ASS1: variants seen among roughly 807,000 people sequenced by gnomAD.
The protein encoded by ASS1 is argininosuccinate synthase 1.
Under a neutral mutation model 60.5 loss-of-function variants are expected in ASS1, and 58 were observed. That is an observed-to-expected ratio of 0.96 (90% confidence interval 0.78 to 1.19). The LOEUF is 1.19. Among genes scored for constraint, ASS1 ranks in the 50% most tolerant of loss-of-function variants. ASS1 has a pLI of 0.00. For missense variants in ASS1, 454 were observed against 547.3 expected (o/e 0.83, Z 1.70); for synonymous variants, 200 against 206.9 (o/e 0.97, Z 0.29).
intron 10 of ASS1, 142 bp from the exon 11 acceptor site, chr9:130,480,243 C>T: frequency 2.2e-6 from 2 of 914,690 alleles, no homozygotes; most frequent in Non-Finnish European, 3.5e-6. Context: ...TGACCCGGCT[C>T]AGATGTCCTC....
rs939294506 is a variant in ASS1, at chr9:130,476,623, C to T, written c.598-248C>T. On this transcript the variant is annotated intron_variant, in intron 8 of 14. Coordinates refer to ENST00000352480, the MANE Select transcript of ASS1 (RefSeq NM_054012.4). This position sits in a 1 kb window ranked among gnomAD's most constrained non-coding sequence, Gnocchi z 4.9. Reference sequence around the variant, plus strand: ...GCTATTCTACCTCCAGCTGTGGGGGCGTCGAAGAAAAAGATGAGATCAAGT... The same window carrying T: ...GCTATTCTACCTCCAGCTGTGGGGGTGTCGAAGAAAAAGATGAGATCAAGT... 1.2e-5 allele frequency: 7 copies of T among 583,710 alleles called. No individual in the cohort carries two copies. Among genetic ancestry groups the T allele is most frequent in the South Asian group, 8.0e-5 (4 of 49,724 alleles). 36.2% of individuals were successfully genotyped at this position (583,710 alleles called of 1,614,324 possible). A position where few individuals can be genotyped will look rare whatever the true frequency, so the allele number is the denominator to read the frequency against.
intron 8 of ASS1, among the ~76,000 whole-genome samples, chr9:130,472,551 G>A (rs754161818): frequency 3.9e-5 from 6 of 152,130 alleles, no homozygotes; most frequent in Non-Finnish European, 7.4e-5. Context: ...GCGAGGGAAC[G>A]GGCCCTGGGG....
chr9:130,451,294 A>G (rs1845319417), intron 1 of ASS1, among the ~76,000 whole-genome samples: 1 of 121,552 alleles, frequency 8.2e-6, no homozygotes, highest in Non-Finnish European at 1.8e-5. Flanking sequence ...TCCCGGCTGC[A>G]GAGGGCCTGG....
intron 5 of ASS1, chr9:130,466,519 G>C (rs1490358205): frequency 9.6e-6 from 6 of 626,930 alleles, no homozygotes; most frequent in Non-Finnish European, 1.2e-5. Flanking sequence ...TGGAGTGCAG[G>C]CTCCGTCCAG....
rs1026587560 is a variant in ASS1, at chr9:130,488,759, C to T, written c.839-574C>T. ...TCCCAGCTCCACCTAGAGCAAGTCC[C>T]TTCTCCTCTTGAGCTCAGTTTCCCC... On this transcript the variant is annotated intron_variant, in intron 11 of 14. Transcript: ENST00000352480. The surrounding 1 kb of genome is among the most constrained non-coding windows in gnomAD (Gnocchi z 5.2). Among the ~76,000 whole-genome samples, 5 of 152,212 alleles carry T rather than the reference C, an allele frequency of 3.3e-5. No homozygotes were observed. Among genetic ancestry groups the T allele is most frequent in the African/African-American group, 1.2e-4 (5 of 41,446 alleles).
intron 11 of ASS1, among the ~76,000 whole-genome samples, chr9:130,480,674 G>C (rs1314274811): frequency 6.6e-6 from 1 of 152,236 alleles, no homozygotes; most frequent in African/African-American, 2.4e-5. Flanking sequence ...CTGTCCAAGG[G>C]CTGGGAGAGG....
chr9:130,495,348 C>T (rs1222080863), intron 13 of ASS1, among the ~76,000 whole-genome samples: 1 of 151,414 alleles, frequency 6.6e-6, no homozygotes, highest in Non-Finnish European at 1.5e-5. Context: ...CTCAGGAGGC[C>T]GAGGTGGGAA....
rs151006187 is a variant in ASS1, at chr9:130,489,598, A to G, written c.970+134A>G. The G allele has an allele frequency of 4.5e-3, 6,608 of 1,457,458 alleles. 22 individuals carry two copies. Among genetic ancestry groups the G allele is most frequent in the Middle Eastern group, 7.7e-3 (45 of 5,836 alleles). The allele number at this position is 1,457,458 out of a possible 1,614,324, so 90.3% of individuals were successfully genotyped here. The stretch of plus-strand genomic sequence containing the variant: ...TGCCGCCCACTGCCATCCTCATGTG[A>G]GACCCCAAAAGGTGCAGGCCAAAGG... On this transcript the variant is annotated intron_variant, in intron 12 of 14. Coordinates refer to ENST00000352480, the MANE Select transcript of ASS1 (RefSeq NM_054012.4). This position sits in a 1 kb window ranked among gnomAD's most constrained non-coding sequence, Gnocchi z 4.1.
chr9:130,465,960 G>A (rs915060000), intron 5 of ASS1, among the ~76,000 whole-genome samples: 2 of 152,238 alleles, frequency 1.3e-5, no homozygotes, highest in African/African-American at 2.4e-5. Context: ...GATGGGATTG[G>A]GGCAGGGGCC....
Position 130,489,602 on chromosome 9 carries a change from C to G in ASS1, c.970+138C>G. ...GCCCACTGCCATCCTCATGTGAGAC[C>G]CCAAAAGGTGCAGGCCAAAGGGGGT... On this transcript the variant is annotated intron_variant, in intron 12 of 14. Coordinates refer to ENST00000352480, the MANE Select transcript of ASS1 (RefSeq NM_054012.4). The surrounding 1 kb of genome is among the most constrained non-coding windows in gnomAD (Gnocchi z 4.1). 2 of 1,441,796 alleles carry G rather than the reference C, an allele frequency of 1.4e-6. No homozygotes were observed. The highest frequency in any genetic ancestry group is 3.4e-5 in the Admixed American group (2 of 58,802). 89.3% of individuals were successfully genotyped at this position (1,441,796 alleles called of 1,614,324 possible).
At chr9:130,446,771 G>T (rs941325915) in intron 1 of ASS1, among the ~76,000 whole-genome samples, 4 of 152,198 alleles carry the variant, frequency 2.6e-5, no homozygotes, top group African/African-American at 9.6e-5. Context: ...TCAACCAGAT[G>T]CCTCATCTGA....
At chr9:130,461,468 G>T (rs186439322) in intron 4 of ASS1, among the ~76,000 whole-genome samples, 2,747 of 129,938 alleles carry the variant, frequency 0.021, 84 homozygotes, top group African/African-American at 0.063. Flanking sequence ...TGAGGAGAAC[G>T]CCCCCCAAGC....
chr9:130,466,382 C>T (rs759013478), intron 5 of ASS1: 1 of 391,024 alleles, frequency 2.6e-6, no homozygotes, highest in Non-Finnish European at 4.8e-6. Context: ...GGCAGTGGCC[C>T]TGTGGCTGAA....
At position 130,478,948 on chromosome 9, in the gene ASS1, G is replaced by A. The variant is rs937292450; in HGVS notation, c.689-768G>A. Among the ~76,000 whole-genome samples, 3 of 152,146 alleles carry A rather than the reference G, an allele frequency of 2.0e-5. No homozygotes were observed. Among genetic ancestry groups the A allele is most frequent in the African/African-American group, 7.2e-5 (3 of 41,418 alleles). On this transcript the variant is annotated intron_variant, in intron 9 of 14. Coordinates refer to ENST00000352480, the MANE Select transcript of ASS1 (RefSeq NM_054012.4). The surrounding 1 kb of genome is among the most constrained non-coding windows in gnomAD (Gnocchi z 4.7). The stretch of plus-strand genomic sequence containing the variant: ...ATGGCTCGCTCCATGGTAATGAGCC[G>A]GGCAGATGGGTGGGGGATTAGCCGC...
At chr9:130,451,462 T>G in intron 1 of ASS1, 1 of 259,138 alleles carries the variant, frequency 3.9e-6, no homozygotes, top group Admixed American at 5.1e-5. Flanking sequence ...AAACTGGGCA[T>G]TGGCAGAGTT....
chr9:130,449,959 A>T (rs879381665), intron 1 of ASS1, among the ~76,000 whole-genome samples: 1 of 152,202 alleles, frequency 6.6e-6, no homozygotes, highest in Admixed American at 6.5e-5. Context: ...TCTGATATTT[A>T]AAAAATGCAA....
intron 12 of ASS1, among the ~76,000 whole-genome samples, chr9:130,490,463 G>A (rs1436769940): frequency 2.0e-5 from 3 of 152,066 alleles, no homozygotes; most frequent in East Asian, 3.9e-4. Context: ...ACAGGCATGC[G>A]CCACCATGCC....
chr9:130,465,628 G>A (rs935241374), intron 5 of ASS1, among the ~76,000 whole-genome samples: 1 of 152,186 alleles, frequency 6.6e-6, no homozygotes. Flanking sequence ...CTCAAGCTCT[G>A]GAAGAGTTGC....
chr9:130,448,800 G>A (rs1845258893), intron 1 of ASS1, among the ~76,000 whole-genome samples: 1 of 152,284 alleles, frequency 6.6e-6, no homozygotes, highest in Middle Eastern at 3.4e-3. Context: ...CTGACCTCAA[G>A]TGATCCACCC....
Sources: gnomAD v4.1 joint callset for allele counts (sites outside exome capture counted in the v4.1 genomes callset) on GRCh38, gnomAD v4.1.1 for gene constraint, Gnocchi (gnomAD v3.1) non-coding constraint, MANE v1.5 for transcripts, NCBI Gene and HGNC (gene_info 2026-07-23, HGNC 2026-07-21) for gene names.